The following SETD6 variants were observed in gnomAD, a reference collection of about 807,000 sequenced individuals.
SETD6 encodes SET domain containing 6, protein lysine methyltransferase.
In SETD6, 67 loss-of-function variants were observed where a neutral mutation model predicts 52.7. The ratio of observed to expected loss-of-function variants is 1.27; its 90% CI spans 1.04 to 1.56. The LOEUF (loss-of-function observed/expected upper bound fraction) is 1.56, where lower values mean the gene tolerates loss of function less well. Among genes scored for constraint, SETD6 ranks in the 40% most tolerant of loss-of-function variants. The pLI, the probability that SETD6 is intolerant of heterozygous loss-of-function variation, is 0.00. For synonymous variants in SETD6, 307 were observed against 250.2 expected, an observed-to-expected ratio of 1.23 and a Z score of -2.14; for missense variants, 712 against 607.5, an observed-to-expected ratio of 1.17 and a Z score of -1.81.
Position 58,515,873 on chromosome 16 carries a change from G to T in SETD6, c.110G>T (p.Ser37Ile). ...SWCRRVGLEL[S>I]PKVSERAGGR... ...TGCCGGCGGGTGGGGCTGGAGCTGAGTCCCAAGGTGAGCGAGCGAGCCGGC... is the reference window on the plus strand; with the variant it reads ...TGCCGGCGGGTGGGGCTGGAGCTGATTCCCAAGGTGAGCGAGCGAGCCGGC... Residue 37 changes from serine (S) to isoleucine (I), a missense_variant, in exon 2 of 8, where the codon AGT becomes ATT. Transcript: ENST00000219315. 6.6e-7 allele frequency: 1 copy of T among 1,522,530 alleles called. No homozygotes were observed. 94.3% of individuals were successfully genotyped at this position (1,522,530 alleles called of 1,614,324 possible). A position where few individuals can be genotyped will look rare whatever the true frequency, so the allele number is the denominator to read the frequency against.
At position 58,519,041 on chromosome 16, in the gene SETD6, T is replaced by G. The variant is rs775804370; in HGVS notation, c.*12T>G. 1.6e-5 allele frequency: 25 copies of G among 1,597,406 alleles called. No homozygotes were observed. Among genetic ancestry groups the G allele is most frequent in the Non-Finnish European group, 2.1e-5 (25 of 1,171,578 alleles). ...AGCTGACAAGTTAGCAGTTTCCCTG[T>G]TCCCTGAAGGAACAGCAATAAGAAC... On this transcript the variant is annotated 3_prime_UTR_variant, in exon 8 of 8. Transcript: ENST00000219315.
Position 58,518,732 on chromosome 16 carries a change from C to T in SETD6, c.1125C>T (p.Cys375=), listed in dbSNP as rs763343119. The part of the protein sequence containing the change: ...EELTTTLKVL[C]MPAEEFRELK... ...TCTGTGGTTGCTTCTAGGTACTGTG[C>T]ATGCCTGCTGAGGAGTTCAGAGAGC... is the stretch of plus-strand genomic sequence containing the variant. Residue 375 remains cysteine (C), a synonymous_variant, in exon 8 of 8, where the codon TGC becomes TGT. Transcript: ENST00000219315. 6.2e-7 allele frequency: 1 copy of T among 1,613,794 alleles called. No homozygotes were observed.
chr16:58,515,732 T>A (rs2039102489), intron 1 of SETD6, 59 bp from the exon 2 acceptor site: 1 of 1,418,864 alleles, frequency 7.0e-7, no homozygotes, highest in Admixed American at 2.9e-5. Flanking sequence ...CGCGGTCTCC[T>A]GCAGTTCCCA....
chr16:58,515,546 C>G lies in SETD6; in HGVS notation c.9C>G (p.Thr3=). 1 of 1,588,674 alleles carries G rather than the reference C, an allele frequency of 6.3e-7. No individual in the cohort carries two copies. Among genetic ancestry groups the G allele is most frequent in the Non-Finnish European group, 8.5e-7 (1 of 1,171,828 alleles). The change falls in exon 1 of 8, where the codon ACC becomes ACG. Residue 3 remains threonine, a synonymous_variant. Coordinates refer to ENST00000219315, the MANE Select transcript of SETD6 (RefSeq NM_001160305.4). ...AAACGCGCTCTTAGACCATGGCGACCCAGGCGAAGCGTCCACGGGTGAGTG... is the reference window on the plus strand; with the variant it reads ...AAACGCGCTCTTAGACCATGGCGACGCAGGCGAAGCGTCCACGGGTGAGTG... MA[T]QAKRPRVAGP... is the part of the protein sequence containing the mutation.
In SETD6 at chr16:58,519,116, ATCTT is replaced by A. The variant is rs1179608632; in HGVS notation, c.*93_*96del. The A allele has an allele frequency of 7.3e-7, 1 of 1,362,570 alleles. No homozygotes were observed. Among genetic ancestry groups the A allele is most frequent in the Non-Finnish European group, 9.8e-7 (1 of 1,019,372 alleles). The allele number at this position is 1,362,570 out of a possible 1,614,324, so 84.4% of individuals were successfully genotyped here. On this transcript the variant is annotated 3_prime_UTR_variant, in exon 8 of 8. Transcript: ENST00000219315. ...ATGTTTGAAAAAGAGGAAAATTTGG[ATCTT>A]TCTTTTGCTTACTAAACACCAAGAG...
rs184246101 is a variant in SETD6 at position 58,522,574 on chromosome 16, C to G, written c.*3545C>G. Among the ~76,000 whole-genome samples the G allele has an allele frequency of 7.8e-3, 1,179 of 150,862 alleles. 10 individuals carry two copies. The highest frequency in any genetic ancestry group is 0.011 in the Non-Finnish European group (748 of 67,708). ...TTTTAAAGTGTGTGTGTGTGTGTAT[C>G]ACAATCTCTCTAATGCTATATGTAG... On this transcript the variant is annotated 3_prime_UTR_variant, in exon 8 of 8. Transcript: ENST00000219315.
chr16:58,523,653 A>T lies in SETD6; in HGVS notation c.*4624A>T. ...GTTCTTGGGACCCCAAAGAGTTCTC[A>T]TTTCTGTGCGTTTTATTTCAGAATT... On this transcript the variant is annotated 3_prime_UTR_variant, in exon 8 of 8. Transcript: ENST00000219315. 1.8e-6 allele frequency: 1 copy of T among 569,700 alleles called. No individual in the cohort carries two copies. Among genetic ancestry groups the T allele is most frequent in the East Asian group, 2.8e-5 (1 of 35,398 alleles). The allele number at this position is 569,700 out of a possible 1,614,324, so 35.3% of individuals were successfully genotyped here. A position where few individuals can be genotyped will look rare whatever the true frequency, so the allele number is the denominator to read the frequency against.
In SETD6 at chr16:58,519,082, T is replaced by C; in HGVS notation, c.*53T>C. The C allele has an allele frequency of 1.3e-6, 2 of 1,494,388 alleles. No individual in the cohort carries two copies. Among genetic ancestry groups the C allele is most frequent in the South Asian group, 1.3e-5 (1 of 74,890 alleles). 92.6% of individuals were successfully genotyped at this position (1,494,388 alleles called of 1,614,324 possible). A position where few individuals can be genotyped will look rare whatever the true frequency, so the allele number is the denominator to read the frequency against. On this transcript the variant is annotated 3_prime_UTR_variant, in exon 8 of 8. Transcript: ENST00000219315. ...CAATAAGAACTTTATTCTAAGCTAA[T>C]ACTCATTGATGTTTGAAAAAGAGGA...
rs779066631 is a variant in SETD6, at chr16:58,521,284, T to G, written c.*2255T>G. The G allele has an allele frequency of 2.5e-6, 4 of 1,613,392 alleles. No individual in the cohort carries two copies. In the Admixed American group the frequency reaches 5.0e-5, roughly 20 times the overall value. ...AGGTAATAAGAAGACCCCAAGGATG[T>G]GGCCTATTTACAATCAACCGTTCCA... is the stretch of plus-strand genomic sequence containing the variant. On this transcript the variant is annotated 3_prime_UTR_variant, in exon 8 of 8. Coordinates refer to ENST00000219315, the MANE Select transcript of SETD6 (RefSeq NM_001160305.4).
Position 58,519,307 on chromosome 16 carries a change from ATAAG to A in SETD6, c.*284_*287del, listed in dbSNP as rs374473938. 1.6e-4 allele frequency: 60 copies of A among 366,980 alleles called. No individual in the cohort carries two copies. Among genetic ancestry groups the A allele is most frequent in the African/African-American group, 2.9e-4 (14 of 48,914 alleles). 22.7% of individuals were successfully genotyped at this position (366,980 alleles called of 1,614,324 possible). Reference sequence around the variant, plus strand: ...CAAAGCCAGTGGACATACGGTAGTAATAAGTAAGTCTTGTTGTGTTTCAGCATTT... The same window carrying A: ...CAAAGCCAGTGGACATACGGTAGTAATAAGTCTTGTTGTGTTTCAGCATTT... On this transcript the variant is annotated 3_prime_UTR_variant, in exon 8 of 8. Coordinates refer to ENST00000219315, the MANE Select transcript of SETD6 (RefSeq NM_001160305.4).
In SETD6 at chr16:58,516,291, C is replaced by G; in HGVS notation, c.424C>G (p.Pro142Ala). Residue 142 changes from proline to alanine, a missense_variant, in exon 3 of 8, where the codon CCC (proline) becomes GCC (alanine). Pro to Ala is a conservative substitution (Grantham distance 27, BLOSUM62 -1). Coordinates refer to ENST00000219315, the MANE Select transcript of SETD6 (RefSeq NM_001160305.4). ...GCAGGCCCCGGCCTCACGCTGGAGGCCCTACTTTGCGCTCTGGCCCGAGCT... is the reference window on the plus strand; with the variant it reads ...GCAGGCCCCGGCCTCACGCTGGAGGGCCTACTTTGCGCTCTGGCCCGAGCT... ...ELQAPASRWR[P>A]YFALWPELGR... The G allele has an allele frequency of 6.2e-7, 1 of 1,604,884 alleles. No homozygotes were observed. The highest frequency in any genetic ancestry group is 8.5e-7 in the Non-Finnish European group (1 of 1,179,868).
chr16:58,517,971 A>G, intron 5 of SETD6, 80 bp from the exon 6 acceptor site: 5 of 1,573,618 alleles, frequency 3.2e-6, no homozygotes, highest in Non-Finnish European at 4.4e-6. Context: ...ACACCTGCTG[A>G]AGGCTCTTCT....
chr16:58,520,935 G>A lies in SETD6; in HGVS notation c.*1906G>A, dbSNP rs781511037. 33 of 1,609,326 alleles carry A rather than the reference G, an allele frequency of 2.1e-5. No homozygotes were observed. The Admixed American group carries it at 3.3e-4, about 16-fold the overall frequency. On this transcript the variant is annotated 3_prime_UTR_variant, in exon 8 of 8. Coordinates refer to ENST00000219315, the MANE Select transcript of SETD6 (RefSeq NM_001160305.4). ...TGCAGTGAGACCTCTAGACTGACAC[G>A]TACAACAGAGATGCAGTTTCGTCTA...
In SETD6 at chr16:58,516,714, C is replaced by G. The variant is rs767521086; in HGVS notation, c.671+42C>G. 3 of 1,609,270 alleles carry G rather than the reference C, an allele frequency of 1.9e-6. No individual in the cohort carries two copies. In the Admixed American group the frequency reaches 5.0e-5, roughly 27 times the overall value. ...TCTGAGGACGGAACCCTTTTCTTTA[C>G]AACTCTATAGAGGGACAAAAGTGGA... On this transcript the variant is annotated intron_variant, in intron 4 of 7. Transcript: ENST00000219315.
Position 58,523,378 on chromosome 16 carries a change from C to T in SETD6, c.*4349C>T. The T allele has an allele frequency of 1.3e-6, 2 of 1,592,126 alleles. No homozygotes were observed. Among genetic ancestry groups the T allele is most frequent in the Non-Finnish European group, 1.7e-6 (2 of 1,167,700 alleles). On this transcript the variant is annotated 3_prime_UTR_variant, in exon 8 of 8. Coordinates refer to ENST00000219315, the MANE Select transcript of SETD6 (RefSeq NM_001160305.4). Reference sequence around the variant, plus strand: ...ATAAGCTGCTCGCTTACCTTGTGATCTGTTCTTGGATGGCTTCCGTATTGG... The same window carrying T: ...ATAAGCTGCTCGCTTACCTTGTGATTTGTTCTTGGATGGCTTCCGTATTGG...
Position 58,521,358 on chromosome 16 carries a change from T to C in SETD6, c.*2329T>C, listed in dbSNP as rs1567381298. 1 of 1,554,026 alleles carries C rather than the reference T, an allele frequency of 6.4e-7. No individual in the cohort carries two copies. The highest frequency in any genetic ancestry group is 2.1e-5 in the Admixed American group (1 of 47,026). ...AAGAGCTAGTTAATGTATAGAAGCA[T>C]ACAAATTCATGATTATTCTTCCATT... On this transcript the variant is annotated 3_prime_UTR_variant, in exon 8 of 8. Coordinates refer to ENST00000219315, the MANE Select transcript of SETD6 (RefSeq NM_001160305.4).
At chr16:58,515,504 TGCGCC>T, upstream of SETD6, 3 of 1,571,966 alleles carry the variant, frequency 1.9e-6, no homozygotes, top group Non-Finnish European at 2.6e-6. Context: ...GACCGCGCGG[TGCGCC>T]GGCCCGCGAG....
At chr16:58,518,375 C>G in intron 6 of SETD6, 26 bp from the exon 7 acceptor site, 1 of 1,580,898 alleles carries the variant, frequency 6.3e-7, no homozygotes, top group Non-Finnish European at 8.6e-7. Flanking sequence ...TGTACTGAGA[C>G]TTTCACATTG....
rs763281300 is a variant in SETD6, at chr16:58,518,561, G to A, written c.1116+18G>A. The A allele has an allele frequency of 1.3e-6, 2 of 1,593,666 alleles. No individual in the cohort carries two copies. Among genetic ancestry groups the A allele is most frequent in the Non-Finnish European group, 1.7e-6 (2 of 1,175,472 alleles). On this transcript the variant is annotated intron_variant, in intron 7 of 7. Coordinates refer to ENST00000219315, the MANE Select transcript of SETD6 (RefSeq NM_001160305.4). ...CACTAAAGGTAAACGGCTGAAAATG[G>A]CCATTTAATGCTGATAATCTAAGTA...
Sources: allele counts gnomAD v4.1 joint callset (sites outside exome capture counted in the v4.1 genomes callset), GRCh38; gene constraint gnomAD v4.1.1; transcripts MANE v1.5; gene names NCBI Gene and HGNC (gene_info 2026-07-23, HGNC 2026-07-21).